Variants in CHD9 observed in about 807,000 individuals in gnomAD.
The protein encoded by CHD9 is ATP-dependent chromatin remodeler CHD9.
In CHD9, 77 loss-of-function variants were observed where a neutral mutation model predicts 316.1. The ratio of observed to expected loss-of-function variants is 0.24; its 90% CI spans 0.20 to 0.29. The LOEUF (loss-of-function observed/expected upper bound fraction) is 0.29. Among genes scored for constraint, CHD9 ranks in the 10% least tolerant of loss-of-function variants. The probability of loss-of-function intolerance (pLI) is 1.00; values close to 1 mark genes in which losing one functional copy is unlikely to be tolerated. For missense variants in CHD9, 2,763 were observed against 3,438.1 expected (o/e 0.80, Z 4.91); for synonymous variants, 1,129 against 1,158.3 (o/e 0.97, Z 0.51).
intron 20 of CHD9, among the ~76,000 whole-genome samples, chr16:53,265,003 C>T (rs1413016770): frequency 3.3e-5 from 5 of 152,128 alleles, no homozygotes; most frequent in Non-Finnish European, 7.4e-5. Flanking sequence ...TCATTTAATA[C>T]TTTTGCAGTA....
chr16:53,304,603 TGAA>T lies in CHD9; in HGVS notation c.6605_6607del (p.Glu2202del), dbSNP rs745750694. On this transcript the variant is annotated inframe_deletion, in exon 31 of 39. Coordinates refer to ENST00000447540, the MANE Select transcript of CHD9 (RefSeq NM_001308319.2). ...CTTCATCAGAAGAAAGTGACAGTGA[TGAA>T]GAAGAAGCCCAAAAACGAGGTACTA... 1.5e-5 allele frequency: 23 copies of T among 1,549,130 alleles called. No individual in the cohort carries two copies. The highest frequency in any genetic ancestry group is 2.4e-5 in the East Asian group (1 of 40,894).
intron 26 of CHD9, 64 bp from the exon 27 acceptor site, chr16:53,287,893 T>C: frequency 7.7e-7 from 1 of 1,302,088 alleles, no homozygotes; most frequent in African/African-American, 1.5e-5. Flanking sequence ...AACAAGACTT[T>C]GTCCTATCAA....
chr16:53,174,176 C>T (rs1275480807), intron 2 of CHD9, among the ~76,000 whole-genome samples: 1 of 152,176 alleles, frequency 6.6e-6, no homozygotes, highest in Admixed American at 6.5e-5. Context: ...CCCAGCTCCT[C>T]AGGTGGCTGA....
intron 11 of CHD9, among the ~76,000 whole-genome samples, chr16:53,237,238 T>C (rs2048711168): frequency 6.6e-6 from 1 of 152,120 alleles, no homozygotes; most frequent in Admixed American, 6.6e-5. Context: ...GTCCATTTTA[T>C]TCTAACCCAT....
intron 1 of CHD9, among the ~76,000 whole-genome samples, chr16:53,101,355 G>A (rs1248150393): frequency 6.8e-6 from 1 of 146,742 alleles, no homozygotes; most frequent in African/African-American, 2.5e-5. Flanking sequence ...GCTCACTGCA[G>A]CCTCAAATTC....
At chr16:53,211,277 A>C (rs1175528701) in intron 3 of CHD9, among the ~76,000 whole-genome samples, 2 of 152,190 alleles carry the variant, frequency 1.3e-5, no homozygotes, top group East Asian at 3.8e-4. Flanking sequence ...TTTAAGAAAA[A>C]ACATTGTACA....
Position 53,321,629 on chromosome 16 carries a change from C to T in CHD9, c.7817C>T (p.Ser2606Phe). The change falls in exon 38 of 39, where the codon TCT becomes TTT. Residue 2606 changes from serine to phenylalanine, a missense_variant and splice_region_variant. Physicochemically the swap from Ser to Phe is radical, Grantham distance 155. Around this residue, in one of 15 missense-constraint regions of CHD9, gnomAD observed 298 missense variants for 380.2 expected, o/e 0.78. Coordinates refer to ENST00000447540, the MANE Select transcript of CHD9 (RefSeq NM_001308319.2). ...APEWGDVVKQ[S>F]GFLPESMYER... ...GAATGGGGAGATGTTGTTAAGCAAT[C>T]TGTGAGTATTTTACGAATACTAACT... is the stretch of plus-strand genomic sequence containing the variant. 6.7e-7 allele frequency: 1 copy of T among 1,492,908 alleles called. No homozygotes were observed. Among genetic ancestry groups the T allele is most frequent in the Non-Finnish European group, 9.1e-7 (1 of 1,103,236 alleles). 92.5% of individuals were successfully genotyped at this position (1,492,908 alleles called of 1,614,324 possible).
At chr16:53,240,484 A>C (rs557550262) in intron 12 of CHD9, among the ~76,000 whole-genome samples, 58 of 152,246 alleles carry the variant, frequency 3.8e-4, no homozygotes, top group African/African-American at 1.4e-3. Flanking sequence ...AATTCTAGAT[A>C]TATATTACCT....
intron 1 of CHD9, among the ~76,000 whole-genome samples, chr16:53,101,054 G>A (rs1012051069): frequency 2.0e-5 from 3 of 152,162 alleles, no homozygotes; most frequent in Non-Finnish European, 4.4e-5. Flanking sequence ...GCCTCTGGGT[G>A]TGTTCACAAG....
At position 53,306,266 on chromosome 16, in the gene CHD9, G is replaced by A; in HGVS notation, c.6649G>A (p.Glu2217Lys). ...ESTTHMKAYD[E>K]ESVASLSTTQ... ...TACTACTCACATGAAAGCCTATGATGAAGAAAGCGTCGCGTCACTGAGCAC... is the reference window on the plus strand; with the variant it reads ...TACTACTCACATGAAAGCCTATGATAAAGAAAGCGTCGCGTCACTGAGCAC... The change falls in exon 32 of 39, where the codon GAA (glutamate) becomes AAA (lysine). Residue 2217 changes from glutamate to lysine, a missense_variant. Physicochemically the swap from Glu to Lys is moderately conservative, Grantham distance 56 (BLOSUM62 1). Around this residue, in one of 15 missense-constraint regions of CHD9, gnomAD observed 663 missense variants for 751.2 expected, o/e 0.88. Transcript: ENST00000447540. The A allele has an allele frequency of 6.3e-7, 1 of 1,585,550 alleles. No homozygotes were observed. Among genetic ancestry groups the A allele is most frequent in the Non-Finnish European group, 8.6e-7 (1 of 1,169,428 alleles).
intron 34 of CHD9, among the ~76,000 whole-genome samples, chr16:53,310,516 A>G (rs769502906): frequency 1.6e-4 from 25 of 152,138 alleles, no homozygotes; most frequent in Non-Finnish European, 3.1e-4. Flanking sequence ...TTTTGCCTGT[A>G]AGTCATTCTT....
chr16:53,164,838 A>G (rs996179829), intron 2 of CHD9, among the ~76,000 whole-genome samples: 1 of 151,918 alleles, frequency 6.6e-6, no homozygotes, highest in African/African-American at 2.4e-5. Flanking sequence ...TATTTTTAGT[A>G]GAGACGGGGT....
intron 1 of CHD9, among the ~76,000 whole-genome samples, chr16:53,116,858 TGTG>T: frequency 6.6e-6 from 1 of 152,250 alleles, no homozygotes; most frequent in Middle Eastern, 3.4e-3. Flanking sequence ...GATAAAAAAG[TGTG>T]GTACATTTAA....
chr16:53,124,865 C>T (rs1027403541), intron 1 of CHD9, among the ~76,000 whole-genome samples: 1 of 152,186 alleles, frequency 6.6e-6, no homozygotes, highest in Non-Finnish European at 1.5e-5. Context: ...TCCCACTACA[C>T]GTGGGAATTA....
chr16:53,254,004 C>G (rs536422217), intron 17 of CHD9, among the ~76,000 whole-genome samples: 11 of 152,080 alleles, frequency 7.2e-5, no homozygotes, highest in Non-Finnish European at 1.3e-4. Flanking sequence ...TGGTGAAACC[C>G]CATCTCTACT....
Position 53,157,438 on chromosome 16 carries a change from A to G in CHD9, c.1349A>G (p.Asp450Gly). ...FTSHLVTRPS[D>G]MAQTQLQSQA... ...TCGCATCTGGTAACACGGCCTTCTG[A>G]TATGGCTCAGACTCAGTTGCAAAGT... Residue 450 changes from aspartate to glycine, a missense_variant, in exon 2 of 39, where the codon GAT becomes GGT. Asp to Gly is a moderately conservative substitution (Grantham distance 94). Coordinates refer to ENST00000447540, the MANE Select transcript of CHD9 (RefSeq NM_001308319.2). 6.2e-7 allele frequency: 1 copy of G among 1,613,986 alleles called. No homozygotes were observed. The highest frequency in any genetic ancestry group is 1.1e-5 in the South Asian group (1 of 91,088).
At chr16:53,283,620 A>G (rs1035295758) in intron 24 of CHD9, among the ~76,000 whole-genome samples, 7 of 152,116 alleles carry the variant, frequency 4.6e-5, no homozygotes, top group African/African-American at 1.7e-4. Context: ...TTTATATTTC[A>G]GGGCTAATGC....
chr16:53,137,331 G>A (rs2039794564), intron 1 of CHD9, among the ~76,000 whole-genome samples: 1 of 152,088 alleles, frequency 6.6e-6, no homozygotes, highest in Non-Finnish European at 1.5e-5. Context: ...TGATTCTAAT[G>A]TATGATGGAT....
At chr16:53,109,677 CTTTTTTT>C (rs1166073629) in intron 1 of CHD9, among the ~76,000 whole-genome samples, 51 of 71,602 alleles carry the variant, frequency 7.1e-4, no homozygotes, top group Middle Eastern at 0.013. Flanking sequence ...TTCCCAGTTT[CTTTTTTT>C]TTTTTTTTTT....
Sources: gnomAD v4.1 joint callset for allele counts (sites outside exome capture counted in the v4.1 genomes callset) on GRCh38, gnomAD v4.1.1 for gene constraint, gnomAD v4.1.1 regional missense constraint, MANE v1.5 for transcripts, NCBI Gene and HGNC (gene_info 2026-07-23, HGNC 2026-07-21) for gene names.